MUC22: variants seen among roughly 807,000 people sequenced by gnomAD.
MUC22 encodes mucin-22.
In MUC22, 24 loss-of-function variants were observed where a neutral mutation model predicts 40.3. That is an observed-to-expected ratio of 0.60 (90% confidence interval 0.43 to 0.84). MUC22 has a LOEUF of 0.84. MUC22 is among the 40% of genes least tolerant of loss of function. The pLI is 0.00. For missense variants in MUC22, 1,926 were observed against 2,130.7 expected, an observed-to-expected ratio of 0.90 and a Z score of 1.89; for synonymous variants, 765 against 844.5, an observed-to-expected ratio of 0.91 and a Z score of 1.63.
chr6:31,013,424 G>A (rs942528609), intron 1 of MUC22, among the ~76,000 whole-genome samples: 2 of 150,070 alleles, frequency 1.3e-5, no homozygotes, highest in Non-Finnish European at 3.0e-5. Context: ...ACCGGGCCTG[G>A]CCCCTCACCC....
intron 1 of MUC22, among the ~76,000 whole-genome samples, chr6:31,022,697 C>T (rs1764961026): frequency 6.6e-6 from 1 of 151,942 alleles, no homozygotes. Flanking sequence ...TGTGTTGAGA[C>T]TCTCATGCCT....
At chr6:31,030,351 AC>A (rs1765963906) in intron 2 of MUC22, among the ~76,000 whole-genome samples, 1 of 152,050 alleles carries the variant, frequency 6.6e-6, no homozygotes, top group African/African-American at 2.4e-5. Flanking sequence ...TCCAGTCTCT[AC>A]TAAAAATACA....
chr6:31,024,311 C>T (rs1468564494), intron 1 of MUC22, among the ~76,000 whole-genome samples: 3 of 152,048 alleles, frequency 2.0e-5, no homozygotes, highest in Admixed American at 6.5e-5. Context: ...CAGGTGGCAG[C>T]AATATATTCA....
chr6:31,020,474 G>A (rs1416677628), intron 1 of MUC22, among the ~76,000 whole-genome samples: 3 of 110,352 alleles, frequency 2.7e-5, no homozygotes, highest in Non-Finnish European at 5.3e-5. Flanking sequence ...ACGGAGTTTC[G>A]CTCTTGTTGC....
At chr6:31,010,991 A>G (rs1763829650) in intron 1 of MUC22, among the ~76,000 whole-genome samples, 1 of 149,356 alleles carries the variant, frequency 6.7e-6, no homozygotes, top group Non-Finnish European at 1.5e-5. Context: ...AATCTGTATT[A>G]GTCTCCCCCA....
exon 1 of MUC22, chr6:31,010,538 T>A (rs1763794087): frequency 5.3e-6 from 3 of 568,322 alleles, no homozygotes; most frequent in Admixed American, 6.0e-5. Context: ...AACCATGCCA[T>A]CTGCCTACAA....
chr6:31,032,119 C>T lies in MUC22; in HGVS notation c.4670-77C>T, dbSNP rs1316827894. 7.6e-6 allele frequency: 11 copies of T among 1,444,812 alleles called. No homozygotes were observed. Among genetic ancestry groups the T allele is most frequent in the Non-Finnish European group, 1.0e-5 (11 of 1,092,308 alleles). 89.5% of individuals were successfully genotyped at this position (1,444,812 alleles called of 1,614,324 possible). On this transcript the variant is annotated intron_variant, in intron 2 of 3. Transcript: ENST00000561890. This position sits in a 1 kb window ranked among gnomAD's most constrained non-coding sequence, Gnocchi z 4.1. ...ACCATAGGTTTGTTAGATTCACCCT[C>T]CTCTGGTCTAAGCACCCCCATTCCC...
exon 2 of MUC22, chr6:31,027,492 A>C: frequency 6.5e-7 from 1 of 1,531,704 alleles, no homozygotes; most frequent in Non-Finnish European, 8.7e-7. Flanking sequence ...AGACCACTAC[A>C]GCCTCTACTG....
upstream of MUC22, among the ~76,000 whole-genome samples, chr6:31,009,357 G>A (rs974822597): frequency 2.0e-5 from 3 of 152,048 alleles, no homozygotes; most frequent in Non-Finnish European, 2.9e-5. Flanking sequence ...ATGAGCCACC[G>A]CACCCGGCCA....
In MUC22 at chr6:31,020,983, C is replaced by T. The variant is rs560076930; in HGVS notation, c.71-4519C>T. ...TGGGGCAGGGCTGGGGACCTGCAGC[C>T]CGCCATGCCTGAGCCTCCCACCCCC... On this transcript the variant is annotated intron_variant, in intron 1 of 3. Transcript: ENST00000561890. 6.6e-5 allele frequency among the ~76,000 whole-genome samples: 10 copies of T among 152,346 alleles called. No individual in the cohort carries two copies. The East Asian group carries it at 7.7e-4, about 12-fold the overall frequency.
intron 1 of MUC22, among the ~76,000 whole-genome samples, chr6:31,022,058 A>G (rs898115115): frequency 6.6e-6 from 1 of 152,066 alleles, no homozygotes; most frequent in African/African-American, 2.4e-5. Flanking sequence ...ACTCACTGTG[A>G]AGGTTTGCAG....
exon 2 of MUC22, chr6:31,029,587 A>G (rs537487379): frequency 1.3e-6 from 2 of 1,534,272 alleles, no homozygotes; most frequent in Non-Finnish European, 8.7e-7. Flanking sequence ...CTCTGAGACC[A>G]CCACAGCCTC....
At chr6:31,010,685 C>T (rs1405925633) in exon 1 of MUC22, 1 of 702,524 alleles carries the variant, frequency 1.4e-6, no homozygotes, top group Non-Finnish European at 2.6e-6. Flanking sequence ...TAAATGACAA[C>T]TTCTATGTGC....
chr6:31,025,721 C>CTA lies in MUC22; in HGVS notation c.290_291insTA (p.Thr99ProfsTer8). On this transcript the variant is annotated frameshift_variant, in exon 2 of 4. Coordinates refer to ENST00000561890, the Ensembl canonical transcript of MUC22. LOFTEE classifies it high-confidence loss of function. The stretch of plus-strand genomic sequence containing the variant: ...ACAGGCTCTGAGACCAACACGGCCT[C>CTA]CACCACAGACTCAGGGACTACTATA... The CTA allele has an allele frequency of 6.5e-7, 1 of 1,528,798 alleles. No homozygotes were observed. The highest frequency in any genetic ancestry group is 8.8e-7 in the Non-Finnish European group (1 of 1,141,330). The allele number at this position is 1,528,798 out of a possible 1,614,324, so 94.7% of individuals were successfully genotyped here.
Position 31,034,760 on chromosome 6 carries a change from TG to T in MUC22, c.5147del (p.Gly1716AlafsTer36), listed in dbSNP as rs1429589675. On this transcript the variant is annotated frameshift_variant, in exon 4 of 4. Coordinates refer to ENST00000561890, the Ensembl canonical transcript of MUC22. LOFTEE classifies it low-confidence loss of function (END_TRUNC). ...CTTGGTCTGGACCTGAACTTGGGCC[TG>T]GGCTCTGGGACATTCCACAGCCTGG... The T allele has an allele frequency of 6.5e-7, 1 of 1,535,740 alleles. No individual in the cohort carries two copies. Among genetic ancestry groups the T allele is most frequent in the South Asian group, 1.2e-5 (1 of 84,062 alleles).
At chr6:31,025,659 C>T in exon 2 of MUC22, 1 of 1,533,084 alleles carries the variant, frequency 6.5e-7, no homozygotes, top group African/African-American at 1.4e-5. Context: ...CTGAGACAAC[C>T]TCAGCCTCCA....
chr6:31,034,541 G>T (rs1341908776), intron 3 of MUC22, 131 bp from the exon 4 acceptor site: 3 of 690,826 alleles, frequency 4.3e-6, no homozygotes, highest in Non-Finnish European at 7.1e-6. Context: ...TAGTAAGGAT[G>T]GTGGTAAAGA....
In MUC22 at chr6:31,027,202, G is replaced by A. The variant is rs539325662; in HGVS notation, c.1771G>A (p.Val591Ile). ...CTCTGAGACAATCAGAGCCTCTACCGTAGGCTCTGAGACCACCACAGTCTC... is the reference window on the plus strand; with the variant it reads ...CTCTGAGACAATCAGAGCCTCTACCATAGGCTCTGAGACCACCACAGTCTC... Residue 591 changes from valine (V) to isoleucine (I), a missense_variant, in exon 2 of 4, where the codon GTA (valine) becomes ATA (isoleucine). Transcript: ENST00000561890. 1.7e-3 allele frequency: 2,600 copies of A among 1,497,826 alleles called. 298 individuals are homozygous for A. The highest frequency in any genetic ancestry group is 2.1e-3 in the Non-Finnish European group (2,353 of 1,123,416). The allele number at this position is 1,497,826 out of a possible 1,614,324, so 92.8% of individuals were successfully genotyped here. A position where few individuals can be genotyped will look rare whatever the true frequency, so the allele number is the denominator to read the frequency against.
chr6:31,006,824 T>C (rs1351199584), upstream of MUC22, among the ~76,000 whole-genome samples: 1 of 152,104 alleles, frequency 6.6e-6, no homozygotes, highest in Non-Finnish European at 1.5e-5. Flanking sequence ...ACCTAGACTA[T>C]TGAGGAAGAG....
Sources: allele counts gnomAD v4.1 joint callset (sites outside exome capture counted in the v4.1 genomes callset), GRCh38; gene constraint gnomAD v4.1.1; non-coding constraint Gnocchi (gnomAD v3.1); transcripts MANE v1.5; gene names NCBI Gene and HGNC (gene_info 2026-07-23, HGNC 2026-07-21).